The following CES1 variants were observed in gnomAD, a reference collection of about 807,000 sequenced individuals.
CES1 encodes the protein carboxylesterase 1.
Under a neutral mutation model 53.0 loss-of-function variants are expected in CES1, and 50 were observed. The observed-to-expected ratio is 0.94, with a 90% confidence interval of 0.75 to 1.19. The LOEUF (loss-of-function observed/expected upper bound fraction) is 1.19. CES1 is among the 50% of genes most tolerant of loss of function. The pLI, the probability that CES1 is intolerant of heterozygous loss-of-function variation, is 0.00. For missense variants in CES1, 534 were observed against 538.0 expected (o/e 0.99, Z 0.07); for synonymous variants, 202 against 210.1 (o/e 0.96, Z 0.33).
chr16:55,814,247 A>C (rs1165574256), intron 8 of CES1, among the ~76,000 whole-genome samples: 1 of 152,214 alleles, frequency 6.6e-6, no homozygotes, highest in East Asian at 1.9e-4. Context: ...TCCATGTCTT[A>C]ATTTTAGGTT....
At chr16:55,832,235 G>C (rs2032711849) in intron 1 of CES1, among the ~76,000 whole-genome samples, 1 of 152,128 alleles carries the variant, frequency 6.6e-6, no homozygotes, top group Non-Finnish European at 1.5e-5. Flanking sequence ...CTTGGCCTCA[G>C]ATCCGCCCTG....
rs1452528670 is a variant in CES1, at chr16:55,821,274, T to G, written c.693+94A>C. The stretch of plus-strand genomic sequence containing the variant: ...CCAGTCCTGAATTCAGGTATTGTAA[T>G]CAGAGGTATCCATAGCTGGATTGAC... On this transcript the variant is annotated intron_variant, in intron 5 of 13. Coordinates refer to ENST00000360526, the MANE Select transcript of CES1 (RefSeq NM_001025195.2). 3 of 1,496,808 alleles carry G rather than the reference T, an allele frequency of 2.0e-6. No individual in the cohort carries two copies. The African/African-American group carries it at 4.2e-5, about 21-fold the overall frequency. The allele number at this position is 1,496,808 out of a possible 1,614,324, so 92.7% of individuals were successfully genotyped here.
At chr16:55,827,125 C>T (rs1597089250) in intron 2 of CES1, among the ~76,000 whole-genome samples, 2 of 152,178 alleles carry the variant, frequency 1.3e-5, no homozygotes, top group East Asian at 3.9e-4. Flanking sequence ...AAAAGGCAGT[C>T]ATCACCGCCC....
At chr16:55,824,215 C>T (rs572691181) in intron 3 of CES1, among the ~76,000 whole-genome samples, 17 of 152,344 alleles carry the variant, frequency 1.1e-4, no homozygotes, top group African/African-American at 3.8e-4. Context: ...ATCCTATCCA[C>T]CCTGCAGAAC....
chr16:55,817,748 GTGTGTGTGTC>G (rs2032006130), intron 7 of CES1, among the ~76,000 whole-genome samples: 1 of 141,348 alleles, frequency 7.1e-6, no homozygotes, highest in African/African-American at 3.1e-5. Context: ...GTGTTTCTCT[GTGTGTGTGTC>G]TGTGTGTGTG....
At chr16:55,826,029 T>C (rs529535024) in intron 3 of CES1, 122 bp downstream of exon 3, 1 of 1,290,422 alleles carries the variant, frequency 7.7e-7, no homozygotes, top group Non-Finnish European at 1.1e-6. Flanking sequence ...CCCTGGGGTC[T>C]CTGAAACAAT....
In CES1 at chr16:55,814,791, G is replaced by A. The variant is rs4992371; in HGVS notation, c.946-1748C>T. ...TGCTCTACAAAAGCCAATGAATGAC[G>A]AGCTAGTTCGGACTGCCTGGGGGAG... On this transcript the variant is annotated intron_variant, in intron 8 of 13. Coordinates refer to ENST00000360526, the MANE Select transcript of CES1 (RefSeq NM_001025195.2). Among the ~76,000 whole-genome samples, 87 of 152,342 alleles carry A rather than the reference G, an allele frequency of 5.7e-4. 1 individual carries two copies. The highest frequency in any genetic ancestry group is 3.4e-3 in the Middle Eastern group (1 of 294).
intron 1 of CES1, among the ~76,000 whole-genome samples, chr16:55,829,519 G>T (rs1272381217): frequency 1.3e-5 from 2 of 152,212 alleles, no homozygotes; most frequent in African/African-American, 4.8e-5. Flanking sequence ...GGCAGGGGAG[G>T]ACTGAATGAG....
intron 4 of CES1, 118 bp from the exon 5 acceptor site, chr16:55,821,639 ATC>A: frequency 9.1e-7 from 1 of 1,093,742 alleles, no homozygotes. Flanking sequence ...GGGCTTCAGC[ATC>A]TCTGAGACCC....
intron 4 of CES1, among the ~76,000 whole-genome samples, chr16:55,822,169 T>C (rs1315127260): frequency 1.3e-5 from 2 of 152,186 alleles, no homozygotes; most frequent in African/African-American, 4.8e-5. Context: ...GCTGTCATGG[T>C]AAGGAGCATG....
At chr16:55,816,827 T>C (rs2031963447) in intron 8 of CES1, 97 bp downstream of exon 8, 3 of 1,400,904 alleles carry the variant, frequency 2.1e-6, no homozygotes, top group Admixed American at 3.3e-5. Context: ...CAGGAGTTAC[T>C]ATAATTACCC....
chr16:55,830,685 C>G (rs1256434476), intron 1 of CES1, among the ~76,000 whole-genome samples: 4 of 150,220 alleles, frequency 2.7e-5, no homozygotes, highest in Non-Finnish European at 5.9e-5. Flanking sequence ...TGCCTGTAAT[C>G]CTGGCTCCTC....
At position 55,818,593 on chromosome 16, in the gene CES1, A is replaced by G. The variant is rs1253786937; in HGVS notation, c.906+942T>C. On this transcript the variant is annotated intron_variant, in intron 7 of 13. Transcript: ENST00000360526. ...TCTGTGAAGCATCCCTGATTACTAC[A>G]ATGAATGCTTCCCCTCTGTGCTGCC... 3.3e-5 allele frequency among the ~76,000 whole-genome samples: 5 copies of G among 152,044 alleles called. No individual in the cohort carries two copies. The East Asian group carries it at 9.6e-4, about 29-fold the overall frequency.
At chr16:55,814,910 G>T (rs557441394) in intron 8 of CES1, among the ~76,000 whole-genome samples, 2 of 152,354 alleles carry the variant, frequency 1.3e-5, no homozygotes, top group East Asian at 3.8e-4. Flanking sequence ...TGCAAGTCCA[G>T]CCTCCTTAAG....
intron 7 of CES1, 60 bp from the exon 8 acceptor site, chr16:55,817,022 G>A (rs1274678972): frequency 1.5e-5 from 23 of 1,580,312 alleles, no homozygotes; most frequent in Non-Finnish European, 1.9e-5. Flanking sequence ...ACTGAGCTGG[G>A]TGAGTGGGGC....
At chr16:55,831,775 C>T (rs1158675128) in intron 1 of CES1, among the ~76,000 whole-genome samples, 18 of 151,770 alleles carry the variant, frequency 1.2e-4, no homozygotes, top group South Asian at 8.4e-4. Flanking sequence ...AGGATGCAGA[C>T]GGGGCTGGGC....
chr16:55,827,823 A>G (rs1464000664), intron 2 of CES1: 1 of 151,824 alleles, frequency 6.6e-6, no homozygotes, highest in East Asian at 1.9e-4. Flanking sequence ...CCTTTTAAAG[A>G]AAGAAAGTAT....
At chr16:55,832,834 G>A (rs1347765531) in intron 1 of CES1, among the ~76,000 whole-genome samples, 170 bp downstream of exon 1, 1 of 152,218 alleles carries the variant, frequency 6.6e-6, no homozygotes, top group African/African-American at 2.4e-5. Context: ...CTCCGCGCGG[G>A]CCAGGCTGGC....
At position 55,826,278 on chromosome 16, in the gene CES1, T is replaced by C. The variant is rs771234416; in HGVS notation, c.278A>G (p.Lys93Arg). The C allele has an allele frequency of 1.2e-6, 2 of 1,614,012 alleles. No homozygotes were observed. The highest frequency in any genetic ancestry group is 2.2e-5 in the South Asian group (2 of 91,078). The change falls in exon 3 of 14, where the codon AAG (lysine) becomes AGG (arginine). Residue 93 changes from lysine (K) to arginine (R), a missense_variant. Lys to Arg is a conservative substitution (Grantham distance 26). This residue lies in a region of CES1 where 164 missense variants were observed against 162.4 expected (regional missense o/e 1.01). Transcript: ENST00000360526. Reference sequence around the variant, plus strand: ...TAGCTCTGAGAGTAACTGCCCCGCCTTGGGATCTTGGGTGCACCTGGGGAG... The same window carrying C: ...TAGCTCTGAGAGTAACTGCCCCGCCCTGGGATCTTGGGTGCACCTGGGGAG... ...SYPPMCTQDPKAGQLLSELFT... is the reference protein window; with the variant it reads ...SYPPMCTQDPRAGQLLSELFT...
Sources: allele counts gnomAD v4.1 joint callset (sites outside exome capture counted in the v4.1 genomes callset), GRCh38; gene constraint gnomAD v4.1.1; regional missense constraint gnomAD v4.1.1; transcripts MANE v1.5; gene names NCBI Gene and HGNC (gene_info 2026-07-23, HGNC 2026-07-21).